The following PXDNL variants were observed in gnomAD, a reference collection of about 807,000 sequenced individuals.
PXDNL encodes peroxidasin like.
A neutral mutation model predicts 150.8 loss-of-function variants in PXDNL; 145 were observed. The observed-to-expected ratio is 0.96, with a 90% CI of 0.84 to 1.10. The LOEUF is 1.10. Among genes scored for constraint, PXDNL ranks in the 50% least tolerant of loss-of-function variants. The probability of loss-of-function intolerance (pLI) is 0.00; values close to 1 mark genes in which losing one functional copy is unlikely to be tolerated. For synonymous variants in PXDNL, 757 were observed against 725.7 expected, an observed-to-expected ratio of 1.04 and a Z score of -0.69; for missense variants, 2,087 against 1,873.9, an observed-to-expected ratio of 1.11 and a Z score of -2.10.
At chr8:51,361,960 A>AAAAAAAAAAAAG (rs1563374211) in intron 19 of PXDNL, among the ~76,000 whole-genome samples, 9 of 148,898 alleles carry the variant, frequency 6.0e-5, no homozygotes, top group African/African-American at 2.0e-4. Context: ...AAAAAAAAAA[A>AAAAAAAAAAAAG]AAAAAGAAAA....
rs189122776 is a variant in PXDNL, at chr8:51,607,176, A to T, written c.237-14478T>A. Reference sequence around the variant, plus strand: ...TCAGGCTCCATGATCCCACAGACTGATCTGTATAGCAGTGGACATAGGAAA... The same window carrying T: ...TCAGGCTCCATGATCCCACAGACTGTTCTGTATAGCAGTGGACATAGGAAA... On this transcript the variant is annotated intron_variant, in intron 2 of 22. Transcript: ENST00000356297. Among the ~76,000 whole-genome samples the T allele has an allele frequency of 9.5e-3, 1,453 of 152,284 alleles. 9 individuals are homozygous for T. The highest frequency in any genetic ancestry group is 0.026 in the South Asian group (124 of 4,818).
chr8:51,652,378 ATCTCTCTC>A (rs10560519), intron 2 of PXDNL, among the ~76,000 whole-genome samples: 4 of 141,670 alleles, frequency 2.8e-5, no homozygotes, highest in South Asian at 2.3e-4. Context: ...CTAGACAGAA[ATCTCTCTC>A]TCTCTCTCTC....
intron 2 of PXDNL, among the ~76,000 whole-genome samples, chr8:51,652,422 GTCTCTC>G (rs1213759314): frequency 7.7e-6 from 1 of 129,488 alleles, no homozygotes; most frequent in African/African-American, 3.2e-5. Flanking sequence ...CTGTCTCTCT[GTCTCTC>G]TCTCTCTCTC....
intron 2 of PXDNL, among the ~76,000 whole-genome samples, chr8:51,634,605 C>T (rs1354064353): frequency 6.6e-6 from 1 of 151,988 alleles, no homozygotes; most frequent in Non-Finnish European, 1.5e-5. Flanking sequence ...TCTTCCAATC[C>T]ATGAGCATGG....
chr8:51,598,930 T>C (rs1336607350), intron 2 of PXDNL, among the ~76,000 whole-genome samples: 1 of 152,172 alleles, frequency 6.6e-6, no homozygotes, highest in Admixed American at 6.6e-5. Context: ...TATTGGCCCA[T>C]CCAGTATTTC....
At chr8:51,320,070 G>T in intron 22 of PXDNL, 48 bp from the exon 23 acceptor site, 1 of 1,305,840 alleles carries the variant, frequency 7.7e-7, no homozygotes, top group Non-Finnish European at 9.9e-7. Flanking sequence ...TATAATCAAA[G>T]TACTTAAAAG....
chr8:51,737,693 C>T (rs1447212129), intron 1 of PXDNL, among the ~76,000 whole-genome samples: 1 of 152,216 alleles, frequency 6.6e-6, no homozygotes, highest in Non-Finnish European at 1.5e-5. Flanking sequence ...CCAGTTCACC[C>T]TGCTGATGTC....
intron 1 of PXDNL, among the ~76,000 whole-genome samples, chr8:51,762,977 G>A (rs2037180848): frequency 6.6e-6 from 1 of 152,090 alleles, no homozygotes. Context: ...TATTTAAAAT[G>A]TACAATTCAG....
Position 51,493,228 on chromosome 8 carries a change from G to A in PXDNL, c.452+6471C>T, listed in dbSNP as rs200912647. Among the ~76,000 whole-genome samples, 8 of 152,308 alleles carry A rather than the reference G, an allele frequency of 5.3e-5. No individual in the cohort carries two copies. The East Asian group carries it at 1.5e-3, about 29-fold the overall frequency. ...AGACCTGCAGCTGAGGGTCCTGACT[G>A]TTAGAAGGAAAACTAACAAACAGAA... is the stretch of plus-strand genomic sequence containing the variant. On this transcript the variant is annotated intron_variant, in intron 5 of 22. Coordinates refer to ENST00000356297, the MANE Select transcript of PXDNL (RefSeq NM_144651.5).
intron 2 of PXDNL, among the ~76,000 whole-genome samples, chr8:51,629,794 T>G (rs1366687620): frequency 6.6e-6 from 1 of 152,124 alleles, no homozygotes; most frequent in Non-Finnish European, 1.5e-5. Flanking sequence ...TTTTTAAAAC[T>G]GTCAACAAAA....
intron 1 of PXDNL, among the ~76,000 whole-genome samples, chr8:51,760,014 T>C (rs2037144881): frequency 6.6e-6 from 1 of 152,180 alleles, no homozygotes; most frequent in Non-Finnish European, 1.5e-5. Flanking sequence ...CTTCTCCAGG[T>C]AAAGGAAGAA....
intron 2 of PXDNL, among the ~76,000 whole-genome samples, chr8:51,635,950 T>G (rs1161821333): frequency 6.6e-6 from 1 of 152,090 alleles, no homozygotes; most frequent in Non-Finnish European, 1.5e-5. Context: ...GCAAAAATTG[T>G]TCAACAAAAT....
intron 3 of PXDNL, among the ~76,000 whole-genome samples, chr8:51,590,558 G>T (rs1159157963): frequency 6.6e-6 from 1 of 152,192 alleles, no homozygotes; most frequent in South Asian, 2.1e-4. Flanking sequence ...GTGGCAAATG[G>T]AGTAAATGAT....
chr8:51,451,198 C>G (rs1341121507), intron 10 of PXDNL, among the ~76,000 whole-genome samples: 1 of 151,686 alleles, frequency 6.6e-6, no homozygotes, highest in Non-Finnish European at 1.5e-5. Context: ...TCACGGTTAG[C>G]CAAGTCTGTG....
intron 12 of PXDNL, 149 bp downstream of exon 12, chr8:51,446,855 G>A (rs1054237934): frequency 6.3e-6 from 3 of 473,536 alleles, no homozygotes; most frequent in African/African-American, 4.0e-5. Flanking sequence ...AAGACTGATT[G>A]GAAGAAGATA....
intron 17 of PXDNL, among the ~76,000 whole-genome samples, chr8:51,392,602 T>G (rs1052155655): frequency 3.3e-5 from 5 of 152,224 alleles, no homozygotes; most frequent in Non-Finnish European, 7.3e-5. Flanking sequence ...ATCCTGAGAC[T>G]TCACTGAAGT....
intron 4 of PXDNL, among the ~76,000 whole-genome samples, chr8:51,512,463 T>A (rs140854226): frequency 6.6e-6 from 1 of 152,090 alleles, no homozygotes; most frequent in Non-Finnish European, 1.5e-5. Flanking sequence ...GGAAGAGTAA[T>A]ATAGAAAAAG....
intron 4 of PXDNL, among the ~76,000 whole-genome samples, chr8:51,519,625 G>A (rs1811616845): frequency 6.6e-6 from 1 of 152,184 alleles, no homozygotes; most frequent in African/African-American, 2.4e-5. Context: ...TCATATGGAA[G>A]GGCTCAAGCT....
chr8:51,648,316 G>A (rs935796053), intron 2 of PXDNL, among the ~76,000 whole-genome samples: 9 of 152,150 alleles, frequency 5.9e-5, no homozygotes, highest in Non-Finnish European at 1.2e-4. Flanking sequence ...TCTTGAAATG[G>A]GATTATTCAG....
Sources: allele counts gnomAD v4.1 joint callset (sites outside exome capture counted in the v4.1 genomes callset), GRCh38; gene constraint gnomAD v4.1.1; transcripts MANE v1.5; gene names NCBI Gene and HGNC (gene_info 2026-07-23, HGNC 2026-07-21).